Variants in CFAP251 observed in about 807,000 individuals in gnomAD.
The protein encoded by CFAP251 is cilia and flagella associated protein 251, also known as cilia- and flagella-associated protein 251.
A neutral mutation model predicts 126.7 loss-of-function variants in CFAP251; 93 were observed. The observed-to-expected ratio is 0.73, with a 90% CI of 0.62 to 0.87. The LOEUF (loss-of-function observed/expected upper bound fraction) is 0.87, where lower values mean the gene tolerates loss of function less well. Among genes scored for constraint, CFAP251 ranks in the 40% least tolerant of loss-of-function variants. The probability of loss-of-function intolerance (pLI) is 0.00; values close to 1 mark genes in which losing one functional copy is unlikely to be tolerated. For synonymous variants in CFAP251, 503 were observed against 506.9 expected, an observed-to-expected ratio of 0.99 and a Z score of 0.10; for missense variants, 1,287 against 1,389.2, an observed-to-expected ratio of 0.93 and a Z score of 1.17.
At chr12:121,943,442 T>C (rs1198924630) in intron 7 of CFAP251, among the ~76,000 whole-genome samples, 11 of 152,144 alleles carry the variant, frequency 7.2e-5, no homozygotes, top group Non-Finnish European at 2.9e-5. Context: ...TGAGACAGAG[T>C]TTCGCTCTTG....
At chr12:122,002,059 C>CAA (rs1307421234) in intron 21 of CFAP251, 13 of 166,566 alleles carry the variant, frequency 7.8e-5, no homozygotes, top group East Asian at 4.2e-4. Flanking sequence ...CCCATCTCTA[C>CAA]AAAAAAAAAA....
chr12:121,989,430 G>C lies in CFAP251; in HGVS notation c.3007-10286G>C, dbSNP rs533134798. Among the ~76,000 whole-genome samples the C allele has an allele frequency of 6.6e-6, 1 of 152,372 alleles. No homozygotes were observed. The highest frequency in any genetic ancestry group is 6.5e-5 in the Admixed American group (1 of 15,308). On this transcript the variant is annotated intron_variant, in intron 19 of 21. Transcript: ENST00000288912. This position sits in a 1 kb window ranked among gnomAD's most constrained non-coding sequence, Gnocchi z 4.2. The stretch of plus-strand genomic sequence containing the variant: ...TGCCCCACTCCTGGAAAAAGAGGCA[G>C]TCGCCATCCAGATCTAGTTCCTGGA...
At chr12:121,938,163 C>A (rs914229913) in intron 5 of CFAP251, among the ~76,000 whole-genome samples, 6 of 151,362 alleles carry the variant, frequency 4.0e-5, no homozygotes, top group Admixed American at 1.3e-4. Flanking sequence ...TGCCACTGAG[C>A]CTGGCTAATT....
intron 21 of CFAP251, among the ~76,000 whole-genome samples, chr12:122,002,088 C>T (rs1026976007): frequency 6.6e-6 from 1 of 151,836 alleles, no homozygotes; most frequent in Non-Finnish European, 1.5e-5. Context: ...GGCGCAGTGG[C>T]TCACGCCTGT....
intron 2 of CFAP251, among the ~76,000 whole-genome samples, chr12:121,922,446 A>G (rs1181773857): frequency 6.6e-6 from 1 of 152,012 alleles, no homozygotes; most frequent in Non-Finnish European, 1.5e-5. Flanking sequence ...AGGCAGACCT[A>G]TGAGTGCAGT....
At chr12:121,955,297 A>G (rs1037114455) in intron 10 of CFAP251, among the ~76,000 whole-genome samples, 26 of 152,178 alleles carry the variant, frequency 1.7e-4, no homozygotes, top group African/African-American at 6.3e-4. Context: ...CGGTCTCAAA[A>G]CAAAACAAAA....
chr12:121,982,067 G>A (rs2135804771), intron 19 of CFAP251, among the ~76,000 whole-genome samples: 1 of 152,236 alleles, frequency 6.6e-6, no homozygotes, highest in Middle Eastern at 3.4e-3. Flanking sequence ...TTATGAGAAT[G>A]TTTCTCTGAC....
intron 21 of CFAP251, 142 bp downstream of exon 21, chr12:122,001,740 A>G: frequency 1.4e-6 from 1 of 693,904 alleles, no homozygotes; most frequent in Non-Finnish European, 2.6e-6. Context: ...GGAATCCCAC[A>G]TGAATAAGTT....
At chr12:121,985,554 A>G (rs993742930) in intron 19 of CFAP251, among the ~76,000 whole-genome samples, 82 of 148,220 alleles carry the variant, frequency 5.5e-4, no homozygotes, top group African/African-American at 2.0e-3. Context: ...AAAAAAAAAA[A>G]GGGAGTGTAT....
At chr12:121,928,704 A>ACGTATATATATATATAT (rs1880554857) in intron 3 of CFAP251, among the ~76,000 whole-genome samples, 13 of 60,344 alleles carry the variant, frequency 2.2e-4, no homozygotes, top group East Asian at 1.9e-3. Context: ...ATATATATAT[A>ACGTATATATATATATAT]TTTTTTTTTT....
At chr12:121,975,722 G>C in intron 19 of CFAP251, 37 bp downstream of exon 19, 1 of 1,529,926 alleles carries the variant, frequency 6.5e-7, no homozygotes, top group South Asian at 1.3e-5. Flanking sequence ...AACGGGATGT[G>C]CTATTTATAA....
chr12:121,929,826 C>T lies in CFAP251; in HGVS notation c.748-1920C>T, dbSNP rs563949212. On this transcript the variant is annotated intron_variant, in intron 3 of 21. Transcript: ENST00000288912. ...CCAAGTAGCTGGGATTACAGGCATG[C>T]GCCACCACACCTGGCTAATTTTTGT... Among the ~76,000 whole-genome samples, 10 of 152,088 alleles carry T rather than the reference C, an allele frequency of 6.6e-5. No individual in the cohort carries two copies. In the East Asian group the frequency reaches 1.6e-3, roughly 24 times the overall value.
chr12:121,963,970 T>C (rs1206935227), intron 15 of CFAP251, among the ~76,000 whole-genome samples: 2 of 151,590 alleles, frequency 1.3e-5, no homozygotes, highest in Admixed American at 6.6e-5. Flanking sequence ...GCAGGAGAAG[T>C]TCGAAGGGAG....
At chr12:121,997,495 G>A (rs747666888) in intron 19 of CFAP251, 29 of 151,074 alleles carry the variant, frequency 1.9e-4, no homozygotes, top group Non-Finnish European at 3.1e-4. Context: ...GTGATAGAGC[G>A]AGATTCTGTC....
chr12:121,960,513 T>C (rs1881895515), intron 13 of CFAP251, 72 bp from the exon 14 acceptor site: 1 of 1,559,086 alleles, frequency 6.4e-7, no homozygotes, highest in Non-Finnish European at 8.8e-7. Flanking sequence ...CCACCGCGCC[T>C]GGCCCATAAT....
chr12:121,958,133 T>G, intron 11 of CFAP251, 139 bp from the exon 12 acceptor site: 1 of 1,272,312 alleles, frequency 7.9e-7, no homozygotes, highest in African/African-American at 1.5e-5. Context: ...ATTGGTGGTA[T>G]ATTTTTGGAA....
At chr12:122,000,547 CAA>C (rs36002683) in intron 20 of CFAP251, among the ~76,000 whole-genome samples, 8 of 105,326 alleles carry the variant, frequency 7.6e-5, no homozygotes, top group Admixed American at 1.0e-4. Flanking sequence ...GCGAGACTGT[CAA>C]AAAAAAAAAA....
chr12:121,983,871 C>T (rs1882685912), intron 19 of CFAP251, among the ~76,000 whole-genome samples: 1 of 152,098 alleles, frequency 6.6e-6, no homozygotes, highest in Admixed American at 6.5e-5. Flanking sequence ...AGTTTCTGAC[C>T]TTTTGTTTTC....
chr12:121,991,941 C>A (rs755154385), intron 19 of CFAP251, among the ~76,000 whole-genome samples: 1 of 152,034 alleles, frequency 6.6e-6, no homozygotes, highest in African/African-American at 2.4e-5. Flanking sequence ...TGCTGTGATC[C>A]GAGATCACGC....
Sources: gnomAD v4.1 joint callset for allele counts (sites outside exome capture counted in the v4.1 genomes callset) on GRCh38, gnomAD v4.1.1 for gene constraint, Gnocchi (gnomAD v3.1) non-coding constraint, MANE v1.5 for transcripts, NCBI Gene and HGNC (gene_info 2026-07-23, HGNC 2026-07-21) for gene names.